The following VAV3 variants were observed in gnomAD, a reference collection of about 807,000 sequenced individuals.
VAV3 encodes the protein guanine nucleotide exchange factor VAV3.
VAV3 carries 94 observed loss-of-function variants against 131.2 expected under a neutral mutation model. The ratio of observed to expected loss-of-function variants is 0.72; its 90% CI spans 0.61 to 0.85. The LOEUF is 0.85. Among genes scored for constraint, VAV3 ranks in the 40% least tolerant of loss-of-function variants. The probability of loss-of-function intolerance (pLI) is 0.00; values close to 1 mark genes in which losing one functional copy is unlikely to be tolerated. For missense variants in VAV3, 939 were observed against 1,002.7 expected (o/e 0.94, Z 0.86); for synonymous variants, 349 against 342.0 (o/e 1.02, Z -0.22).
chr1:107,674,045 C>T (rs1204513958), intron 19 of VAV3, among the ~76,000 whole-genome samples: 1 of 152,190 alleles, frequency 6.6e-6, no homozygotes, highest in African/African-American at 2.4e-5. Flanking sequence ...TCTGTCACTA[C>T]TGCAGTTATC....
At chr1:107,690,070 C>T (rs2101777352) in intron 17 of VAV3, among the ~76,000 whole-genome samples, 1 of 152,238 alleles carries the variant, frequency 6.6e-6, no homozygotes, top group African/African-American at 2.4e-5. Flanking sequence ...ACACGAGCTC[C>T]AAAATTGGGG....
chr1:107,664,594 C>T lies in VAV3; in HGVS notation c.1777+18894G>A, dbSNP rs1657275950. ...TTCCAATTCAGTTCAATATATATTTCCTGATCACCTGCTATGTTCCAGATA... is the reference window on the plus strand; with the variant it reads ...TTCCAATTCAGTTCAATATATATTTTCTGATCACCTGCTATGTTCCAGATA... On this transcript the variant is annotated intron_variant, in intron 19 of 26. Transcript: ENST00000370056. Among the ~76,000 whole-genome samples the T allele has an allele frequency of 3.9e-5, 6 of 152,272 alleles. No homozygotes were observed. The South Asian group carries it at 1.2e-3, about 32-fold the overall frequency.
chr1:107,958,540 G>A (rs904863770), intron 1 of VAV3, among the ~76,000 whole-genome samples: 4 of 152,134 alleles, frequency 2.6e-5, no homozygotes, highest in African/African-American at 9.7e-5. Flanking sequence ...GAAAACACAT[G>A]GCAATCAATG....
intron 2 of VAV3, among the ~76,000 whole-genome samples, chr1:107,787,855 G>A (rs1463603195): frequency 6.6e-6 from 1 of 152,078 alleles, no homozygotes; most frequent in Non-Finnish European, 1.5e-5. Flanking sequence ...TGGTCCTGCC[G>A]TCTCTGCCTT....
chr1:107,890,007 T>G (rs1259057536), intron 1 of VAV3, among the ~76,000 whole-genome samples: 2 of 151,956 alleles, frequency 1.3e-5, no homozygotes, highest in Non-Finnish European at 2.9e-5. Context: ...GCTTTTGATT[T>G]TATTACCTGA....
chr1:107,571,346 A>T lies in VAV3; in HGVS notation c.*1985T>A, dbSNP rs1482590224. Reference sequence around the variant, plus strand: ...GCAGCATTTAAATTTTCCAAAACAAAGTATTAAACGTGGACAAAGATGTAA... The same window carrying T: ...GCAGCATTTAAATTTTCCAAAACAATGTATTAAACGTGGACAAAGATGTAA... On this transcript the variant is annotated 3_prime_UTR_variant, in exon 27 of 27. Transcript: ENST00000370056. 6.6e-6 allele frequency: 1 copy of T among 152,666 alleles called. No individual in the cohort carries two copies. The highest frequency in any genetic ancestry group is 2.4e-5 in the African/African-American group (1 of 41,452). The allele number at this position is 152,666 out of a possible 1,614,324, so 9.5% of individuals were successfully genotyped here. A position where few individuals can be genotyped will look rare whatever the true frequency, so the allele number is the denominator to read the frequency against.
At chr1:107,760,612 G>A (rs559808896) in intron 10 of VAV3, among the ~76,000 whole-genome samples, 172 bp downstream of exon 10, 41 of 152,194 alleles carry the variant, frequency 2.7e-4, no homozygotes, top group Admixed American at 7.2e-4. Flanking sequence ...TCTGCTAAAA[G>A]GAAGAAAAAA....
rs181393313 is a variant in VAV3 at position 107,821,752 on chromosome 1, G to T, written c.322-42260C>A. ...TTTGGCTGCTCTATGGAAATAGATTGCAGGAAGGCAAGAGCAGGAAAGGGA... is the reference window on the plus strand; with the variant it reads ...TTTGGCTGCTCTATGGAAATAGATTTCAGGAAGGCAAGAGCAGGAAAGGGA... On this transcript the variant is annotated intron_variant, in intron 2 of 26. Coordinates refer to ENST00000370056, the MANE Select transcript of VAV3 (RefSeq NM_006113.5). Among the ~76,000 whole-genome samples the T allele has an allele frequency of 2.6e-5, 4 of 152,322 alleles. No individual in the cohort carries two copies. The East Asian group carries it at 7.7e-4, about 29-fold the overall frequency.
chr1:107,909,576 C>T (rs533307092), intron 1 of VAV3, among the ~76,000 whole-genome samples: 3 of 152,272 alleles, frequency 2.0e-5, no homozygotes, highest in East Asian at 3.9e-4. Context: ...CCATCACATA[C>T]AGCATAGAAT....
At chr1:107,663,859 T>C (rs1307187966) in intron 19 of VAV3, among the ~76,000 whole-genome samples, 3 of 152,184 alleles carry the variant, frequency 2.0e-5, no homozygotes, top group Admixed American at 1.3e-4. Flanking sequence ...TCTTGCAAAA[T>C]TTATCAAAAT....
At chr1:107,657,740 AT>A (rs1426260325) in intron 19 of VAV3, among the ~76,000 whole-genome samples, 1 of 152,212 alleles carries the variant, frequency 6.6e-6, no homozygotes, top group East Asian at 1.9e-4. Context: ...CAGAACACAT[AT>A]TATGATTAAA....
intron 22 of VAV3, among the ~76,000 whole-genome samples, chr1:107,604,078 C>T (rs1652081551): frequency 6.6e-6 from 1 of 152,060 alleles, no homozygotes; most frequent in South Asian, 2.1e-4. Flanking sequence ...TTTAATGACC[C>T]CTCAAATCAT....
rs530296068 is a variant in VAV3, at chr1:107,667,597, T to TACAC, written c.1777+15887_1777+15890dup. Among the ~76,000 whole-genome samples the TACAC allele has an allele frequency of 1.1e-3, 169 of 151,758 alleles. 1 individual carries two copies. Among genetic ancestry groups the TACAC allele is most frequent in the South Asian group, 9.8e-3 (47 of 4,784 alleles). On this transcript the variant is annotated intron_variant, in intron 19 of 26. Coordinates refer to ENST00000370056, the MANE Select transcript of VAV3 (RefSeq NM_006113.5). ...ATGATGGTTTATGTTAGGATTATTA[T>TACAC]ACACACACACACACAAACAAATCAC...
intron 11 of VAV3, among the ~76,000 whole-genome samples, 164 bp from the exon 12 acceptor site, chr1:107,755,677 G>A (rs188206179): frequency 4.4e-4 from 67 of 152,236 alleles, no homozygotes; most frequent in African/African-American, 1.1e-3. Flanking sequence ...CTGCATCACA[G>A]AGGCAATTTT....
intron 1 of VAV3, among the ~76,000 whole-genome samples, chr1:107,926,026 T>G (rs1365320204): frequency 5.3e-5 from 8 of 151,906 alleles, no homozygotes; most frequent in Non-Finnish European, 1.0e-4. Context: ...CTGCCTGTAA[T>G]CTCAGCACTT....
intron 17 of VAV3, among the ~76,000 whole-genome samples, chr1:107,699,557 CA>C (rs1659964196): frequency 6.6e-6 from 1 of 152,248 alleles, no homozygotes. Context: ...CTCCACTAGG[CA>C]GTGGCAGTGG....
intron 1 of VAV3, among the ~76,000 whole-genome samples, chr1:107,937,033 A>C (rs1396149424): frequency 6.6e-6 from 1 of 152,076 alleles, no homozygotes; most frequent in Non-Finnish European, 1.5e-5. Context: ...CACCTTACAC[A>C]CAGTCAGGCA....
intron 2 of VAV3, among the ~76,000 whole-genome samples, chr1:107,814,278 A>G (rs1206312259): frequency 5.9e-5 from 9 of 152,134 alleles, no homozygotes; most frequent in Non-Finnish European, 1.2e-4. Flanking sequence ...ACAGTGTATA[A>G]GAGTTCCTGT....
At chr1:107,875,068 A>C (rs1670432234) in intron 1 of VAV3, 51 bp from the exon 2 acceptor site, 3 of 1,456,094 alleles carry the variant, frequency 2.1e-6, no homozygotes, top group African/African-American at 2.8e-5. Context: ...TCTGAATGCT[A>C]TCCACCCTCT....
Sources: allele counts gnomAD v4.1 joint callset (sites outside exome capture counted in the v4.1 genomes callset), GRCh38; gene constraint gnomAD v4.1.1; transcripts MANE v1.5; gene names NCBI Gene and HGNC (gene_info 2026-07-23, HGNC 2026-07-21).